The following KIAA0319 variants were observed in gnomAD, a reference collection of about 807,000 sequenced individuals.
The protein encoded by KIAA0319 is KIAA0319.
A neutral mutation model predicts 108.4 loss-of-function variants in KIAA0319; 83 were observed. That is an observed-to-expected ratio of 0.77 (90% CI 0.64 to 0.92). KIAA0319 has a LOEUF of 0.92. KIAA0319 is among the 40% of genes least tolerant of loss of function. The pLI is 0.00. For missense variants in KIAA0319, 1,195 were observed against 1,322.4 expected (o/e 0.90, Z 1.49); for synonymous variants, 484 against 510.4 (o/e 0.95, Z 0.70).
chr6:24,639,515 G>A lies in KIAA0319; in HGVS notation c.-106+6221C>T, dbSNP rs768175057. Among the ~76,000 whole-genome samples the A allele has an allele frequency of 6.4e-4, 98 of 152,160 alleles. 3 individuals carry two copies. Among genetic ancestry groups the A allele is most frequent in the Non-Finnish European group, 1.9e-4 (13 of 68,026 alleles). The stretch of plus-strand genomic sequence containing the variant: ...ATTCTTACTAAAAGAGTTACTATAT[G>A]ACATTTGGGGCTGGATGAAACTTTT... On this transcript the variant is annotated intron_variant, in intron 1 of 20. Coordinates refer to ENST00000378214, the MANE Select transcript of KIAA0319 (RefSeq NM_014809.4).
chr6:24,587,483 T>C (rs1394170848), intron 4 of KIAA0319, among the ~76,000 whole-genome samples: 1 of 152,110 alleles, frequency 6.6e-6, no homozygotes, highest in East Asian at 1.9e-4. Context: ...GGTTTCACTC[T>C]GTTAGCCAGG....
At chr6:24,570,809 A>T (rs2127460565) in intron 11 of KIAA0319, among the ~76,000 whole-genome samples, 1 of 152,318 alleles carries the variant, frequency 6.6e-6, no homozygotes, top group Non-Finnish European at 1.5e-5. Context: ...TTGTCTCTGT[A>T]GCCTCAGTGC....
intron 1 of KIAA0319, among the ~76,000 whole-genome samples, chr6:24,629,229 A>G (rs781625614): frequency 6.6e-6 from 1 of 152,118 alleles, no homozygotes; most frequent in Non-Finnish European, 1.5e-5. Flanking sequence ...GATGGAATCA[A>G]TGACAGTCCA....
intron 1 of KIAA0319, among the ~76,000 whole-genome samples, chr6:24,604,593 A>C (rs948578449): frequency 2.0e-5 from 3 of 152,220 alleles, no homozygotes; most frequent in African/African-American, 7.2e-5. Flanking sequence ...TGCAAGGTAC[A>C]ACTTTCACAA....
In KIAA0319 at chr6:24,544,556, A is replaced by C. The variant is rs146328975; in HGVS notation, c.*2609T>G. 2.6e-4 allele frequency: 40 copies of C among 152,264 alleles called. No individual in the cohort carries two copies. The East Asian group carries it at 7.3e-3, about 28-fold the overall frequency. The allele number at this position is 152,264 out of a possible 1,614,324, so 9.4% of individuals were successfully genotyped here. A position where few individuals can be genotyped will look rare whatever the true frequency, so the allele number is the denominator to read the frequency against. ...GGCTTGTTGAGTGGTACATTTTCTTACCTTGCTGCATGTTTTTCAGATAGT... is the reference window on the plus strand; with the variant it reads ...GGCTTGTTGAGTGGTACATTTTCTTCCCTTGCTGCATGTTTTTCAGATAGT... On this transcript the variant is annotated 3_prime_UTR_variant, in exon 21 of 21. Coordinates refer to ENST00000378214, the MANE Select transcript of KIAA0319 (RefSeq NM_014809.4).
chr6:24,615,648 T>C (rs768215705), intron 1 of KIAA0319, among the ~76,000 whole-genome samples: 55 of 152,336 alleles, frequency 3.6e-4, no homozygotes, highest in Non-Finnish European at 6.3e-4. Flanking sequence ...AGCAGTTCCA[T>C]GCCTATTCTC....
chr6:24,559,287 G>A lies in KIAA0319; in HGVS notation c.2592-132C>T, dbSNP rs113960677. 792 of 913,322 alleles carry A rather than the reference G, an allele frequency of 8.7e-4. 1 individual carries two copies. Among genetic ancestry groups the A allele is most frequent in the Middle Eastern group, 4.2e-3 (12 of 2,870 alleles). The allele number at this position is 913,322 out of a possible 1,614,324, so 56.6% of individuals were successfully genotyped here. A position where few individuals can be genotyped will look rare whatever the true frequency, so the allele number is the denominator to read the frequency against. On this transcript the variant is annotated intron_variant, in intron 16 of 20. Coordinates refer to ENST00000378214, the MANE Select transcript of KIAA0319 (RefSeq NM_014809.4). ...AGCTCTGTGGCTTGCCAAGGACAGGGGCGTATCTGTGAGCCAAGGAATTGA... is the reference window on the plus strand; with the variant it reads ...AGCTCTGTGGCTTGCCAAGGACAGGAGCGTATCTGTGAGCCAAGGAATTGA...
chr6:24,581,088 G>A, intron 6 of KIAA0319, 75 bp from the exon 7 acceptor site: 1 of 922,098 alleles, frequency 1.1e-6, no homozygotes, highest in Non-Finnish European at 1.8e-6. Context: ...AAGCTAAAAT[G>A]TCCCAGAAGC....
chr6:24,642,457 A>C (rs969329370), intron 1 of KIAA0319, among the ~76,000 whole-genome samples: 1 of 152,198 alleles, frequency 6.6e-6, no homozygotes, highest in African/African-American at 2.4e-5. Flanking sequence ...TCTTAGAATA[A>C]CAGAACAGGA....
At chr6:24,644,468 A>G (rs1777363955) in intron 1 of KIAA0319, among the ~76,000 whole-genome samples, 1 of 152,170 alleles carries the variant, frequency 6.6e-6, no homozygotes, top group Non-Finnish European at 1.5e-5. Flanking sequence ...ACTCTTGTTT[A>G]TATCAATTAG....
chr6:24,621,163 T>C (rs1478749856), intron 1 of KIAA0319, among the ~76,000 whole-genome samples: 1 of 152,230 alleles, frequency 6.6e-6, no homozygotes, highest in Non-Finnish European at 1.5e-5. Context: ...CTCAAGGTCT[T>C]ATTCTTTCTT....
Position 24,599,184 on chromosome 6 carries a change from G to A in KIAA0319, c.55+1865C>T, listed in dbSNP as rs1296389680. On this transcript the variant is annotated intron_variant, in intron 2 of 20. Transcript: ENST00000378214. This position sits in a 1 kb window ranked among gnomAD's most constrained non-coding sequence, Gnocchi z 4.1. ...GATCACCAACTGTAGCCAGGCCGGG[G>A]CTGACAGCCTGTACCAGGTCAAGTA... 5.4e-6 allele frequency: 3 copies of A among 553,460 alleles called. No homozygotes were observed. Among genetic ancestry groups the A allele is most frequent in the Non-Finnish European group, 9.9e-6 (3 of 303,216 alleles). 34.3% of individuals were successfully genotyped at this position (553,460 alleles called of 1,614,324 possible).
At chr6:24,627,048 G>A (rs1258259328) in intron 1 of KIAA0319, among the ~76,000 whole-genome samples, 2 of 152,144 alleles carry the variant, frequency 1.3e-5, no homozygotes, top group Admixed American at 6.5e-5. Context: ...CAATTTATAA[G>A]TGCGGTCTTA....
intron 11 of KIAA0319, among the ~76,000 whole-genome samples, chr6:24,571,209 T>G (rs1764678648): frequency 6.7e-6 from 1 of 149,742 alleles, no homozygotes; most frequent in Non-Finnish European, 1.5e-5. Context: ...AAAAAAAAAG[T>G]ATTGCTAATA....
intron 3 of KIAA0319, among the ~76,000 whole-genome samples, chr6:24,593,177 C>G (rs180756421): frequency 8.6e-4 from 131 of 152,130 alleles, no homozygotes; most frequent in African/African-American, 2.9e-3. Flanking sequence ...ACTGAACTCC[C>G]TCCTTTCCTC....
intron 1 of KIAA0319, among the ~76,000 whole-genome samples, chr6:24,624,802 T>C (rs1348170487): frequency 6.6e-6 from 1 of 152,236 alleles, no homozygotes; most frequent in Non-Finnish European, 1.5e-5. Context: ...CGTGAAGCCC[T>C]GACTCCCATA....
downstream of KIAA0319, among the ~76,000 whole-genome samples, chr6:24,543,905 C>G (rs1760315549): frequency 6.6e-6 from 1 of 152,220 alleles, no homozygotes; most frequent in Non-Finnish European, 1.5e-5. Flanking sequence ...GCTGACTGAG[C>G]ATGCTCAGTT....
chr6:24,562,608 A>G (rs1763254952), intron 16 of KIAA0319, among the ~76,000 whole-genome samples: 1 of 152,166 alleles, frequency 6.6e-6, no homozygotes, highest in African/African-American at 2.4e-5. Flanking sequence ...GGGAGGCCTA[A>G]GTGGGCGAAT....
At chr6:24,595,425 T>C (rs1001754857) in intron 3 of KIAA0319, among the ~76,000 whole-genome samples, 11 of 151,616 alleles carry the variant, frequency 7.3e-5, no homozygotes, top group African/African-American at 2.2e-4. Flanking sequence ...TGGGCGCCTA[T>C]AGTCCCAGCT....
Sources: gnomAD v4.1 joint callset for allele counts (sites outside exome capture counted in the v4.1 genomes callset) on GRCh38, gnomAD v4.1.1 for gene constraint, Gnocchi (gnomAD v3.1) non-coding constraint, MANE v1.5 for transcripts, NCBI Gene and HGNC (gene_info 2026-07-23, HGNC 2026-07-21) for gene names.